The following RYR2 variants were observed in gnomAD, a reference collection of about 807,000 sequenced individuals.
RYR2 encodes the protein ryanodine receptor 2.
RYR2 carries 227 observed loss-of-function variants against 601.1 expected under a neutral mutation model. The ratio of observed to expected loss-of-function variants is 0.38; its 90% confidence interval spans 0.34 to 0.42. The LOEUF is 0.42. Ranked by LOEUF, RYR2 falls within the 10% of genes least tolerant of loss-of-function variation. RYR2 has a pLI of 1.00. For missense variants in RYR2, 4,646 were observed against 6,156.5 expected (o/e 0.75, Z 8.21); for synonymous variants, 2,223 against 2,175.1 (o/e 1.02, Z -0.61).
At chr1:237,250,966 T>G (rs1398424945) in intron 1 of RYR2, among the ~76,000 whole-genome samples, 2 of 151,968 alleles carry the variant, frequency 1.3e-5, no homozygotes, top group East Asian at 1.9e-4. Context: ...ATTTAAAATA[T>G]CAACTCCCAT....
intron 1 of RYR2, among the ~76,000 whole-genome samples, chr1:237,136,563 AGAATGCATGTT>A (rs1160987335): frequency 6.6e-6 from 1 of 152,222 alleles, no homozygotes; most frequent in Non-Finnish European, 1.5e-5. Flanking sequence ...GTGGTGGTTT[AGAATGCATGTT>A]GAATGCTTGG....
intron 5 of RYR2, 59 bp from the exon 6 acceptor site, chr1:237,369,475 G>A: frequency 2.9e-6 from 4 of 1,389,964 alleles, no homozygotes; most frequent in Non-Finnish European, 2.0e-6. Flanking sequence ...TATCAACTTG[G>A]TTAAGTTACT....
Position 237,674,236 on chromosome 1 carries a change from C to A in RYR2, c.8714+17C>A. On this transcript the variant is annotated intron_variant, in intron 59 of 104. Coordinates refer to ENST00000366574, the MANE Select transcript of RYR2 (RefSeq NM_001035.3). ...TGTATCCAGGTAAAAGTACACATACCCTAAGTACACACTCTTTTCACAAGA... is the reference window on the plus strand; with the variant it reads ...TGTATCCAGGTAAAAGTACACATACACTAAGTACACACTCTTTTCACAAGA... 6.3e-7 allele frequency: 1 copy of A among 1,584,908 alleles called. No homozygotes were observed. The highest frequency in any genetic ancestry group is 1.3e-5 in the African/African-American group (1 of 74,422).
intron 68 of RYR2, among the ~76,000 whole-genome samples, chr1:237,707,676 T>G (rs1688494541): frequency 6.6e-6 from 1 of 152,194 alleles, no homozygotes; most frequent in African/African-American, 2.4e-5. Flanking sequence ...TTATTTGTAT[T>G]GAAAAGTTAG....
At chr1:237,212,265 G>A (rs1019504962) in intron 1 of RYR2, among the ~76,000 whole-genome samples, 11 of 152,010 alleles carry the variant, frequency 7.2e-5, no homozygotes, top group Non-Finnish European at 1.3e-4. Flanking sequence ...TTAAAACTAC[G>A]TTGTGGACAT....
At position 237,566,753 on chromosome 1, in the gene RYR2, C is replaced by G. The variant is rs1319844305; in HGVS notation, c.3401C>G (p.Ala1134Gly). ...PDQELGSDER[A>G]FAFDGFKAQR... ...CAGGAGCTTGGCTCAGATGAACGTGCCTTTGCCTTTGATGGCTTCAAGGTG... is the reference window on the plus strand; with the variant it reads ...CAGGAGCTTGGCTCAGATGAACGTGGCTTTGCCTTTGATGGCTTCAAGGTG... Residue 1134 changes from alanine (A) to glycine (G), a missense_variant, in exon 28 of 105, where the codon GCC (alanine) becomes GGC (glycine). Ala to Gly is a moderately conservative substitution (Grantham distance 60). Around this residue, in one of 17 missense-constraint regions of RYR2, gnomAD observed 1,807 missense variants for 2,088.1 expected, o/e 0.87. Coordinates refer to ENST00000366574, the MANE Select transcript of RYR2 (RefSeq NM_001035.3). 4 of 1,613,978 alleles carry G rather than the reference C, an allele frequency of 2.5e-6. No individual in the cohort carries two copies. Among genetic ancestry groups the G allele is most frequent in the Non-Finnish European group, 3.4e-6 (4 of 1,179,866 alleles).
intron 79 of RYR2, among the ~76,000 whole-genome samples, chr1:237,737,235 G>C (rs966320114): frequency 6.6e-6 from 1 of 152,122 alleles, no homozygotes; most frequent in Non-Finnish European, 1.5e-5. Flanking sequence ...TTTGAGGAGG[G>C]CTACCTTGTT....
chr1:237,649,768 T>C (rs969265148), intron 49 of RYR2, 109 bp from the exon 50 acceptor site: 6 of 859,156 alleles, frequency 7.0e-6, no homozygotes, highest in African/African-American at 6.7e-5. Flanking sequence ...CCATGTGTCA[T>C]AGTGCTATCA....
Position 237,108,961 on chromosome 1 carries a change from A to G in RYR2, c.48+66392A>G, listed in dbSNP as rs548201233. Among the ~76,000 whole-genome samples, 8 of 152,308 alleles carry G rather than the reference A, an allele frequency of 5.3e-5. No homozygotes were observed. The South Asian group carries it at 1.7e-3, about 32-fold the overall frequency. On this transcript the variant is annotated intron_variant, in intron 1 of 104. Transcript: ENST00000366574. ...ATTTTCATTGTGAGCACACTTCAAT[A>G]TCACTCTTTACATGAACATGAGCAA...
intron 47 of RYR2, among the ~76,000 whole-genome samples, chr1:237,641,873 A>G (rs1219847408): frequency 6.6e-6 from 1 of 152,208 alleles, no homozygotes; most frequent in East Asian, 1.9e-4. Context: ...TTTTTGACCC[A>G]AATGAAATTA....
intron 2 of RYR2, among the ~76,000 whole-genome samples, chr1:237,296,434 G>A (rs1365227364): frequency 2.0e-5 from 3 of 152,174 alleles, no homozygotes; most frequent in African/African-American, 7.2e-5. Context: ...GAAATACTTT[G>A]ATTCAGAAGT....
chr1:237,625,793 C>G lies in RYR2; in HGVS notation c.6155C>G (p.Ser2052Cys). The G allele has an allele frequency of 6.2e-7, 1 of 1,613,380 alleles. No individual in the cohort carries two copies. The highest frequency in any genetic ancestry group is 8.5e-7 in the Non-Finnish European group (1 of 1,179,664). The change falls in exon 40 of 105, where the codon TCC (serine) becomes TGC (cysteine). Residue 2052 changes from serine to cysteine, a missense_variant. Coordinates refer to ENST00000366574, the MANE Select transcript of RYR2 (RefSeq NM_001035.3). Reference protein sequence around the residue: ...KQAEKPVESDSKKSSTLQQLI... With the variant: ...KQAEKPVESDCKKSSTLQQLI... ...GCAGAAAAACCAGTTGAGAGTGACT[C>G]CAAAAAGTCCTGTAAGCAGTATGAG...
intron 42 of RYR2, 110 bp from the exon 43 acceptor site, chr1:237,633,468 C>A: frequency 1.6e-6 from 2 of 1,278,090 alleles, no homozygotes; most frequent in Non-Finnish European, 2.2e-6. Context: ...TGAAGTTTGG[C>A]ACACACATGG....
Position 237,369,538 on chromosome 1 carries a change from C to A in RYR2, c.314C>A (p.Ala105Asp). The stretch of plus-strand genomic sequence containing the variant: ...TTTTTTCTCTTCTCTCTAAAGACTG[C>A]TCAAGGTGGTGGTCATCGAACACTC... ...VEKWKFMMKT[A>D]QGGGHRTLLY... Residue 105 changes from alanine (A) to aspartate (D), a missense_variant, in exon 6 of 105, where the codon GCT becomes GAT. Physicochemically the swap from Ala to Asp is moderately radical, Grantham distance 126. This residue lies in a region of RYR2 where 153 missense variants were observed against 203.6 expected (regional missense o/e 0.75). Coordinates refer to ENST00000366574, the MANE Select transcript of RYR2 (RefSeq NM_001035.3). 6.4e-7 allele frequency: 1 copy of A among 1,561,058 alleles called. No homozygotes were observed. The highest frequency in any genetic ancestry group is 1.9e-5 in the Admixed American group (1 of 52,160).
chr1:237,542,924 C>CT (rs1421480130), intron 25 of RYR2, among the ~76,000 whole-genome samples: 1 of 152,166 alleles, frequency 6.6e-6, no homozygotes, highest in Non-Finnish European at 1.5e-5. Context: ...GGGCAGAAGG[C>CT]TGGGGAGAAC....
chr1:237,366,126 A>G (rs1700174301), intron 5 of RYR2, among the ~76,000 whole-genome samples: 1 of 152,206 alleles, frequency 6.6e-6, no homozygotes, highest in Non-Finnish European at 1.5e-5. Flanking sequence ...CATACGGAAA[A>G]GGCATTAACT....
chr1:237,384,983 G>A (rs1436030978), intron 8 of RYR2, among the ~76,000 whole-genome samples: 2 of 151,854 alleles, frequency 1.3e-5, no homozygotes, highest in African/African-American at 2.4e-5. Flanking sequence ...TCTGCCTCCC[G>A]GGTTCACACC....
intron 98 of RYR2, among the ~76,000 whole-genome samples, chr1:237,804,318 T>C (rs112692385): frequency 0.011 from 1,610 of 151,088 alleles, 73 homozygotes; most frequent in African/African-American, 0.037. Context: ...CTTACCTCAG[T>C]GTGCTTTTTA....
intron 17 of RYR2, among the ~76,000 whole-genome samples, chr1:237,473,947 G>T (rs1047451692): frequency 1.3e-5 from 2 of 151,952 alleles, no homozygotes; most frequent in Non-Finnish European, 2.9e-5. Context: ...TTCCAAATAT[G>T]ATTTTACACT....
Sources: gnomAD v4.1 joint callset for allele counts (sites outside exome capture counted in the v4.1 genomes callset) on GRCh38, gnomAD v4.1.1 for gene constraint, gnomAD v4.1.1 regional missense constraint, MANE v1.5 for transcripts, NCBI Gene and HGNC (gene_info 2026-07-23, HGNC 2026-07-21) for gene names.